ATR: variants seen among roughly 807,000 people sequenced by gnomAD.
ATR encodes serine/threonine-protein kinase ATR.
ATR carries 142 observed loss-of-function variants against 305.3 expected under a neutral mutation model. The observed-to-expected ratio is 0.47, with a 90% CI of 0.41 to 0.53. The LOEUF (loss-of-function observed/expected upper bound fraction) is 0.53, where lower values mean the gene tolerates loss of function less well. ATR is among the 20% of genes least tolerant of loss of function. The pLI is 0.00. For synonymous variants in ATR, 1,050 were observed against 1,068.1 expected (o/e 0.98, Z 0.33); for missense variants, 2,135 against 3,133.1 (o/e 0.68, Z 7.60).
intron 17 of ATR, among the ~76,000 whole-genome samples, chr3:142,541,846 T>A (rs553501782): frequency 6.6e-6 from 1 of 151,744 alleles, no homozygotes; most frequent in Admixed American, 6.6e-5. Flanking sequence ...AAATTTAATA[T>A]GGTAACATAT....
At chr3:142,506,646 C>G (rs1371905035) in intron 28 of ATR, among the ~76,000 whole-genome samples, 3 of 152,106 alleles carry the variant, frequency 2.0e-5, no homozygotes, top group African/African-American at 7.2e-5. Flanking sequence ...GAGCTCGTGC[C>G]ACTGTACTCC....
At chr3:142,564,755 C>T (rs1285245178) in intron 3 of ATR, among the ~76,000 whole-genome samples, 1 of 147,410 alleles carries the variant, frequency 6.8e-6, no homozygotes, top group Non-Finnish European at 1.5e-5. Context: ...ATAATATTTT[C>T]TTTTTTTTTT....
chr3:142,552,714 C>T (rs1229904854), intron 13 of ATR, among the ~76,000 whole-genome samples: 1 of 148,818 alleles, frequency 6.7e-6, no homozygotes, highest in Non-Finnish European at 1.5e-5. Context: ...AACCTAAATG[C>T]CCATCAATGA....
At chr3:142,496,336 A>ATCTATATATATCTATATATATC (rs531114901) in intron 34 of ATR, 25 bp downstream of exon 34, 2 of 522,178 alleles carry the variant, frequency 3.8e-6, no homozygotes, top group African/African-American at 6.9e-5. Flanking sequence ...ATATATATAT[A>ATCTATATATATCTATATATATC]TGATGACATT....
intron 46 of ATR, chr3:142,450,433 T>C: frequency 6.3e-7 from 1 of 1,596,336 alleles, no homozygotes; most frequent in South Asian, 1.1e-5. Context: ...GTTTAGCTCA[T>C]TGAGACTACA....
rs2034568602 is a variant in ATR, at chr3:142,553,860, C to A, written c.2497G>T (p.Glu833Ter). Reference sequence around the variant, plus strand: ...AATCCATCTTCAGAGTCCAAGGATTCCAATATGTGCTTGATATTTCCACTA... The same window carrying A: ...AATCCATCTTCAGAGTCCAAGGATTACAATATGTGCTTGATATTTCCACTA... The part of the protein sequence containing the change: ...AFSGNIKHIL[E>*]SLDSEDGFIK... Residue 833 changes from glutamate to a stop codon, truncating the protein, a stop_gained, in exon 11 of 47, where the codon GAA (glutamate) becomes TAA (stop). Coordinates refer to ENST00000350721, the MANE Select transcript of ATR (RefSeq NM_001184.4). LOFTEE classifies it high-confidence loss of function. The A allele has an allele frequency of 6.2e-7, 1 of 1,613,456 alleles. No homozygotes were observed. The highest frequency in any genetic ancestry group is 1.7e-5 in the Admixed American group (1 of 60,004).
chr3:142,485,282 C>T lies in ATR; in HGVS notation c.6079G>A (p.Asp2027Asn), dbSNP rs763117426. 6.2e-7 allele frequency: 1 copy of T among 1,613,992 alleles called. No homozygotes were observed. The highest frequency in any genetic ancestry group is 1.1e-5 in the South Asian group (1 of 91,050). The change falls in exon 36 of 47, where the codon GAT becomes AAT. Residue 2027 changes from aspartate to asparagine, a missense_variant and splice_region_variant. Around this residue, in one of 9 missense-constraint regions of ATR, gnomAD observed 462 missense variants for 887.6 expected, o/e 0.52. Transcript: ENST00000350721. The part of the protein sequence containing the change: ...ESNAIMKKYK[D>N]VTACLPEWED... ...CATTCTGGCAGGCACGCGGTCACAT[C>T]CTATAAAAAAGAACATAGGATACCT...
rs1322383231 is a variant in ATR at position 142,558,673 on chromosome 3, T to C, written c.1836A>G (p.Thr612=). 6.2e-7 allele frequency: 1 copy of C among 1,613,462 alleles called. No homozygotes were observed. Among genetic ancestry groups the C allele is most frequent in the Admixed American group, 1.7e-5 (1 of 60,002 alleles). Reference sequence around the variant, plus strand: ...TTAATGTTAGAAGATTAGCGGCAAATGTGGTCAACTTTAAACAGCCATCAT... The same window carrying C: ...TTAATGTTAGAAGATTAGCGGCAAACGTGGTCAACTTTAAACAGCCATCAT... ...HSDDGCLKLT[T]FAANLLTLSC... is the part of the protein sequence containing the mutation. Residue 612 remains threonine (T), a synonymous_variant, in exon 8 of 47, where the codon ACA becomes ACG. Transcript: ENST00000350721.
intron 1 of ATR, among the ~76,000 whole-genome samples, chr3:142,570,887 T>A (rs1404360314): frequency 6.6e-6 from 1 of 152,122 alleles, no homozygotes; most frequent in African/African-American, 2.4e-5. Flanking sequence ...AGAAGTAGAG[T>A]TGGTGATAAC....
intron 1 of ATR, among the ~76,000 whole-genome samples, chr3:142,578,122 A>G (rs1187367840): frequency 1.3e-5 from 2 of 152,176 alleles, no homozygotes; most frequent in Non-Finnish European, 2.9e-5. Flanking sequence ...ACTTCACTTC[A>G]AAGAAAAAAA....
At chr3:142,534,540 T>G (rs972342841) in intron 21 of ATR, among the ~76,000 whole-genome samples, 8 of 152,254 alleles carry the variant, frequency 5.3e-5, no homozygotes, top group Non-Finnish European at 5.9e-5. Flanking sequence ...TCCGTTAAAT[T>G]TTTTCCAATT....
intron 37 of ATR, 127 bp from the exon 38 acceptor site, chr3:142,469,696 T>G (rs1228485380): frequency 2.6e-6 from 2 of 773,328 alleles, no homozygotes; most frequent in Middle Eastern, 3.7e-4. Context: ...TGCCCAAGGT[T>G]AGGTCACTTG....
At chr3:142,575,014 GA>G (rs2035391673) in intron 1 of ATR, among the ~76,000 whole-genome samples, 1 of 151,610 alleles carries the variant, frequency 6.6e-6, no homozygotes, top group Non-Finnish European at 1.5e-5. Context: ...GGATTTTAAG[GA>G]AGTAAAAATT....
rs2071228939 is a variant in ATR, at chr3:142,470,237, T to C, written c.6222-54A>G. 3.6e-6 allele frequency: 5 copies of C among 1,385,230 alleles called. No individual in the cohort carries two copies. The Middle Eastern group carries it at 5.7e-4, about 159-fold the overall frequency. 85.8% of individuals were successfully genotyped at this position (1,385,230 alleles called of 1,614,324 possible). A position where few individuals can be genotyped will look rare whatever the true frequency, so the allele number is the denominator to read the frequency against. ...TAGCATAGCTGTCATTTTTATATTA[T>C]ACGAATTAAAATTTAAAGATTCAAA... On this transcript the variant is annotated intron_variant, in intron 36 of 46. Transcript: ENST00000350721.
intron 37 of ATR, among the ~76,000 whole-genome samples, 169 bp downstream of exon 37, chr3:142,469,917 A>G (rs898721167): frequency 6.6e-6 from 1 of 152,196 alleles, no homozygotes; most frequent in Non-Finnish European, 1.5e-5. Context: ...TTAAAAGTCT[A>G]TGATTTGTCT....
At chr3:142,541,076 T>C in intron 17 of ATR, 42 bp from the exon 18 acceptor site, 2 of 1,610,648 alleles carry the variant, frequency 1.2e-6, no homozygotes, top group Non-Finnish European at 1.7e-6. Context: ...CTTATAAACA[T>C]GCTGCCAGAA....
Position 142,558,470 on chromosome 3 carries a change from C to T in ATR, c.1885+154G>A, listed in dbSNP as rs75948304. On this transcript the variant is annotated intron_variant, in intron 8 of 46. Coordinates refer to ENST00000350721, the MANE Select transcript of ATR (RefSeq NM_001184.4). Reference sequence around the variant, plus strand: ...CCTGAAGACGGAGGTTGCAGCAAGCCGAGATTGCGCCACTGCACTCCAGCA... The same window carrying T: ...CCTGAAGACGGAGGTTGCAGCAAGCTGAGATTGCGCCACTGCACTCCAGCA... 0.018 allele frequency among the ~76,000 whole-genome samples: 2,758 copies of T among 151,622 alleles called. 39 individuals carry two copies. Among genetic ancestry groups the T allele is most frequent in the Middle Eastern group, 0.031 (9 of 292 alleles).
intron 1 of ATR, among the ~76,000 whole-genome samples, chr3:142,578,373 ACT>A (rs1000919023): frequency 1.3e-5 from 2 of 152,090 alleles, no homozygotes; most frequent in Admixed American, 1.3e-4. Flanking sequence ...CAGGAAGCAA[ACT>A]CTCGATCGGG....
chr3:142,563,176 T>A, intron 3 of ATR, 67 bp from the exon 4 acceptor site: 1 of 1,439,360 alleles, frequency 6.9e-7, no homozygotes, highest in East Asian at 2.3e-5. Context: ...ATTTGCTAAA[T>A]CCTTGACGAT....
Sources: allele counts gnomAD v4.1 joint callset (sites outside exome capture counted in the v4.1 genomes callset), GRCh38; gene constraint gnomAD v4.1.1; regional missense constraint gnomAD v4.1.1; transcripts MANE v1.5; gene names NCBI Gene and HGNC (gene_info 2026-07-23, HGNC 2026-07-21).